Variants in ZNF701 observed in about 807,000 individuals in gnomAD.
ZNF701 encodes zinc finger protein 701.
ZNF701 carries 6 observed loss-of-function variants against 7.1 expected under a neutral mutation model. The observed-to-expected ratio is 0.84, with a 90% confidence interval of 0.46 to 1.66. The LOEUF is 1.66. Among genes scored for constraint, ZNF701 ranks in the 40% most tolerant of loss-of-function variants. The probability of loss-of-function intolerance (pLI) is 0.01; values close to 1 mark genes in which losing one functional copy is unlikely to be tolerated. For missense variants in ZNF701, 541 were observed against 559.2 expected, an observed-to-expected ratio of 0.97 and a Z score of 0.33; for synonymous variants, 166 against 188.2, an observed-to-expected ratio of 0.88 and a Z score of 0.97.
the ZNF701 span, among the ~76,000 whole-genome samples, chr19:52,594,535 CAG>C: frequency 2.0e-5 from 3 of 147,296 alleles, no homozygotes; most frequent in Non-Finnish European, 4.5e-5. Flanking sequence ...TGTTTTGAGA[CAG>C]AGTTTCACTC....
At chr19:52,596,001 C>A in the ZNF701 span, 1 of 1,584,276 alleles carries the variant, frequency 6.3e-7, no homozygotes, top group Non-Finnish European at 8.7e-7. Context: ...TCAGCTTCAA[C>A]ATCCCAAATA....
At chr19:52,579,270 T>C (rs1415333637) in intron 3 of ZNF701, among the ~76,000 whole-genome samples, 1 of 141,578 alleles carries the variant, frequency 7.1e-6, no homozygotes, top group Non-Finnish European at 1.5e-5. Context: ...CTCACGCCTG[T>C]AATCCCAGCA....
the ZNF701 span, chr19:52,597,042 A>AC: frequency 8.0e-7 from 1 of 1,250,118 alleles, no homozygotes; most frequent in South Asian, 1.2e-5. Context: ...CAGTAATGCT[A>AC]CAACCATTGC....
chr19:52,582,309 G>T lies in ZNF701; in HGVS notation c.250G>T (p.Asp84Tyr). Residue 84 changes from aspartate (D) to tyrosine (Y), a missense_variant, in exon 4 of 4, where the codon GAT becomes TAT. Physicochemically the swap from Asp to Tyr is radical, Grantham distance 160. Coordinates refer to ENST00000391785, the MANE Select transcript of ZNF701 (RefSeq NM_018260.3). ...AATACATGCAAGTCATCACATTGGA[G>T]ATACTTGCTTCCAGGAAATTGAGAA... ...LQIHASHHIG[D>Y]TCFQEIEKDI... 23 of 1,614,052 alleles carry T rather than the reference G, an allele frequency of 1.4e-5. No homozygotes were observed. The highest frequency in any genetic ancestry group is 1.9e-5 in the Non-Finnish European group (23 of 1,179,978).
At chr19:52,580,306 A>G (rs2059967350) in intron 3 of ZNF701, among the ~76,000 whole-genome samples, 1 of 151,880 alleles carries the variant, frequency 6.6e-6, no homozygotes, top group African/African-American at 2.4e-5. Context: ...GCTAACGTAT[A>G]TATACAGTGT....
chr19:52,574,251 G>A, intron 2 of ZNF701, 89 bp downstream of exon 2: 1 of 1,565,230 alleles, frequency 6.4e-7, no homozygotes, highest in Non-Finnish European at 8.8e-7. Flanking sequence ...AGTCTCAAGT[G>A]TCCTGCCTGA....
At chr19:52,571,472 T>TG (rs912846041) in intron 1 of ZNF701, among the ~76,000 whole-genome samples, 1 of 151,922 alleles carries the variant, frequency 6.6e-6, no homozygotes, top group African/African-American at 2.4e-5. Context: ...ATCGAAGAAT[T>TG]GGGGAGAAGG....
At chr19:52,575,062 C>T (rs1039492719) in intron 2 of ZNF701, among the ~76,000 whole-genome samples, 1 of 152,168 alleles carries the variant, frequency 6.6e-6, no homozygotes, top group Non-Finnish European at 1.5e-5. Context: ...CTCCGCCTCC[C>T]AGGTTTACAC....
Position 52,583,127 on chromosome 19 carries a change from T to A in ZNF701, c.1068T>A (p.Cys356Ter), listed in dbSNP as rs772410024. The change falls in exon 4 of 4, where the codon TGT becomes TGA. Residue 356 changes from cysteine (C) to a stop codon, truncating the protein, a stop_gained. Transcript: ENST00000391785. LOFTEE classifies it low-confidence loss of function (END_TRUNC). ...RIHTGEKPYK[C>*]KVCDKAFRRD... ...ACACTGGAGAGAAACCATACAAATG[T>A]AAGGTTTGTGACAAGGCTTTCAGAC... is the stretch of plus-strand genomic sequence containing the variant. 6 of 1,610,366 alleles carry A rather than the reference T, an allele frequency of 3.7e-6. No homozygotes were observed. Among genetic ancestry groups the A allele is most frequent in the Non-Finnish European group, 5.1e-6 (6 of 1,176,634 alleles).
In ZNF701 at chr19:52,581,422, G is replaced by A. The variant is rs373651340; in HGVS notation, c.143-780G>A. On this transcript the variant is annotated intron_variant, in intron 3 of 3. Transcript: ENST00000391785. ...TTTAGTAGAGAAGAGGTTTTGCCAT[G>A]TTGGCCAGGCTGGTCTCGAACTCCT... Among the ~76,000 whole-genome samples, 87 of 152,096 alleles carry A rather than the reference G, an allele frequency of 5.7e-4. 2 individuals are homozygous for A. In the South Asian group the frequency reaches 0.018, roughly 32 times the overall value.
chr19:52,587,282 G>A (rs2060018109), downstream of ZNF701: 1 of 152,474 alleles, frequency 6.6e-6, no homozygotes, highest in East Asian at 1.9e-4. Context: ...AATGTTTCAA[G>A]GCCTCATCCT....
the ZNF701 span, chr19:52,595,620 G>C: frequency 4.4e-6 from 5 of 1,129,948 alleles, no homozygotes; most frequent in Non-Finnish European, 6.3e-6. Flanking sequence ...TTTTTAGATA[G>C]CTCTTTAAAA....
chr19:52,592,516 C>T, the ZNF701 span, among the ~76,000 whole-genome samples: 2 of 152,208 alleles, frequency 1.3e-5, no homozygotes, highest in Non-Finnish European at 2.9e-5. Flanking sequence ...GCGGAATTGT[C>T]ACCATGGCCC....
At chr19:52,591,579 C>G (rs183958236), downstream of ZNF701, among the ~76,000 whole-genome samples, 1 of 152,324 alleles carries the variant, frequency 6.6e-6, no homozygotes, top group East Asian at 1.9e-4. Flanking sequence ...ACCTTCGCCT[C>G]TGGGGCTCAA....
downstream of ZNF701, chr19:52,592,083 A>G: frequency 1.1e-6 from 1 of 909,654 alleles, no homozygotes; most frequent in Non-Finnish European, 1.7e-6. Flanking sequence ...GTTTTGTTGA[A>G]ATCTGTCTTT....
At chr19:52,589,627 G>T (rs1001303583), downstream of ZNF701, among the ~76,000 whole-genome samples, 1 of 151,810 alleles carries the variant, frequency 6.6e-6, no homozygotes, top group Non-Finnish European at 1.5e-5. Context: ...TGACAGGCAG[G>T]TGCCACCACT....
intron 2 of ZNF701, 140 bp from the exon 3 acceptor site, chr19:52,575,755 T>TGTGGTGAAGAATCCAA: frequency 1.7e-6 from 1 of 590,584 alleles, no homozygotes; most frequent in Non-Finnish European, 2.8e-6. Flanking sequence ...GAAGACATCA[T>TGTGGTGAAGAATCCAA]GTGGTGAAGA....
At chr19:52,580,802 A>G (rs1211097362) in intron 3 of ZNF701, among the ~76,000 whole-genome samples, 1 of 152,086 alleles carries the variant, frequency 6.6e-6, no homozygotes, top group Non-Finnish European at 1.5e-5. Flanking sequence ...GTGATATGCA[A>G]TATAACTGAC....
At chr19:52,594,188 C>T in the ZNF701 span, 145 of 120,038 alleles carry the variant, frequency 1.2e-3, 37 homozygotes, top group Admixed American at 3.7e-3. Context: ...CGTGGCGGCG[C>T]GCGCCTGCAA....
Sources: allele counts gnomAD v4.1 joint callset (sites outside exome capture counted in the v4.1 genomes callset), GRCh38; gene constraint gnomAD v4.1.1; transcripts MANE v1.5; gene names NCBI Gene and HGNC (gene_info 2026-07-23, HGNC 2026-07-21).